The following SPMIP2 variants were observed in gnomAD, a reference collection of about 807,000 sequenced individuals.
The protein encoded by SPMIP2 is protein SPMIP2.
the SPMIP2 span, among the ~76,000 whole-genome samples, chr4:158,938,614 C>T: frequency 7.8e-4 from 119 of 152,302 alleles, no homozygotes; most frequent in African/African-American, 2.8e-3. Context: ...GCCATCCTTG[C>T]CATAGTGACG....
chr4:159,079,812 T>C, the SPMIP2 span, among the ~76,000 whole-genome samples: 9 of 152,292 alleles, frequency 5.9e-5, no homozygotes, highest in African/African-American at 2.2e-4. Context: ...TTTAATTAGA[T>C]TTTTAGTAAT....
At chr4:159,077,086 T>C in the SPMIP2 span, among the ~76,000 whole-genome samples, 3 of 151,570 alleles carry the variant, frequency 2.0e-5, no homozygotes, top group Non-Finnish European at 4.4e-5. Context: ...TCTGCCCACC[T>C]TGGCCTCCCA....
the SPMIP2 span, among the ~76,000 whole-genome samples, chr4:159,075,297 T>C: frequency 6.6e-6 from 1 of 152,214 alleles, no homozygotes; most frequent in African/African-American, 2.4e-5. Context: ...TGTAACCGAA[T>C]ATTCAATTTA....
the SPMIP2 span, among the ~76,000 whole-genome samples, chr4:159,058,402 C>T: frequency 6.6e-6 from 1 of 151,896 alleles, no homozygotes; most frequent in African/African-American, 2.4e-5. Flanking sequence ...TTTTGTGTTG[C>T]CCTTGATTAC....
At chr4:159,068,000 G>C in the SPMIP2 span, among the ~76,000 whole-genome samples, 5 of 152,196 alleles carry the variant, frequency 3.3e-5, no homozygotes, top group Admixed American at 3.3e-4. Context: ...TCATTAAAAA[G>C]TCAGGAAACA....
chr4:159,034,988 G>A, the SPMIP2 span: 1 of 1,454,432 alleles, frequency 6.9e-7, no homozygotes, highest in Non-Finnish European at 9.6e-7. Flanking sequence ...GAGAGAAAAA[G>A]CAAATTTAGA....
the SPMIP2 span, among the ~76,000 whole-genome samples, chr4:158,959,442 A>AT: frequency 0.27 from 41,436 of 151,958 alleles, 6,276 homozygotes; most frequent in Middle Eastern, 0.34. Flanking sequence ...CCACTAAGGT[A>AT]TTTTTTTTGT....
chr4:158,988,264 A>G, the SPMIP2 span, among the ~76,000 whole-genome samples: 1 of 152,212 alleles, frequency 6.6e-6, no homozygotes, highest in Admixed American at 6.6e-5. Context: ...CCTGCCAACC[A>G]AAAAATGTCC....
chr4:158,912,958 T>C, the SPMIP2 span, among the ~76,000 whole-genome samples: 1 of 152,202 alleles, frequency 6.6e-6, no homozygotes, highest in Non-Finnish European at 1.5e-5. Context: ...TGAGGCAACG[T>C]CACTTATCTG....
the SPMIP2 span, among the ~76,000 whole-genome samples, chr4:158,951,015 T>C: frequency 6.6e-6 from 1 of 152,212 alleles, no homozygotes; most frequent in Non-Finnish European, 1.5e-5. Context: ...AGATGTTTCC[T>C]ACTGTGAGCA....
the SPMIP2 span, among the ~76,000 whole-genome samples, chr4:158,945,039 C>T: frequency 2.0e-5 from 3 of 151,994 alleles, no homozygotes; most frequent in African/African-American, 7.3e-5. Flanking sequence ...TAACTTGCCC[C>T]TGACTATGTC....
chr4:159,061,237 T>A, the SPMIP2 span, among the ~76,000 whole-genome samples: 3 of 151,628 alleles, frequency 2.0e-5, no homozygotes, highest in African/African-American at 7.3e-5. Context: ...TGGAAAAACC[T>A]CACCACCCTC....
chr4:159,064,701 A>G, the SPMIP2 span, among the ~76,000 whole-genome samples: 1 of 152,346 alleles, frequency 6.6e-6, no homozygotes, highest in African/African-American at 2.4e-5. Context: ...TGTGAAAACT[A>G]CATTAATTAT....
At chr4:158,926,361 T>C in the SPMIP2 span, among the ~76,000 whole-genome samples, 1 of 152,134 alleles carries the variant, frequency 6.6e-6, no homozygotes, top group African/African-American at 2.4e-5. Context: ...CTTCGCTGCA[T>C]CCCTAAAGTT....
At chr4:158,898,386 G>A in the SPMIP2 span, among the ~76,000 whole-genome samples, 1 of 152,040 alleles carries the variant, frequency 6.6e-6, no homozygotes, top group South Asian at 2.1e-4. Context: ...ACATCCATGG[G>A]AGCTTGATGG....
chr4:158,991,470 A>G, the SPMIP2 span, among the ~76,000 whole-genome samples: 1 of 152,178 alleles, frequency 6.6e-6, no homozygotes. Flanking sequence ...AACGTGTAAC[A>G]AGACTGTGCT....
chr4:158,977,325 G>C, the SPMIP2 span, among the ~76,000 whole-genome samples: 1 of 152,080 alleles, frequency 6.6e-6, no homozygotes, highest in Admixed American at 6.5e-5. Flanking sequence ...AGTTTGGGAG[G>C]GGGTATGTGT....
the SPMIP2 span, among the ~76,000 whole-genome samples, chr4:159,020,982 C>T: frequency 2.0e-5 from 3 of 152,154 alleles, no homozygotes; most frequent in Non-Finnish European, 2.9e-5. Flanking sequence ...AGGATGGTCT[C>T]GATCTCCTGA....
At chr4:158,893,643 T>G in the SPMIP2 span, 15 of 1,456,624 alleles carry the variant, frequency 1.0e-5, no homozygotes, top group South Asian at 1.8e-4. Context: ...TTATTTTTTG[T>G]TATACAGTAG....
Sources: allele counts gnomAD v4.1 joint callset (sites outside exome capture counted in the v4.1 genomes callset), GRCh38; gene constraint gnomAD v4.1.1; transcripts MANE v1.5; gene names NCBI Gene and HGNC (gene_info 2026-07-23, HGNC 2026-07-21).